Variants in FRMD4A observed in about 807,000 individuals in gnomAD.
FRMD4A encodes the protein FERM domain containing 4A, also known as FERM domain-containing protein 4A.
Under a neutral mutation model 129.1 loss-of-function variants are expected in FRMD4A, and 29 were observed. That is an observed-to-expected ratio of 0.22 (90% CI 0.17 to 0.31). The LOEUF (loss-of-function observed/expected upper bound fraction) is 0.31, where lower values mean the gene tolerates loss of function less well. FRMD4A is among the 10% of genes least tolerant of loss of function. The pLI is 1.00. For missense variants in FRMD4A, 1,272 were observed against 1,375.8 expected, an observed-to-expected ratio of 0.92 and a Z score of 1.19; for synonymous variants, 634 against 571.6, an observed-to-expected ratio of 1.11 and a Z score of -1.56.
intron 2 of FRMD4A, among the ~76,000 whole-genome samples, chr10:13,958,179 T>C (rs571852056): frequency 1.3e-5 from 2 of 152,174 alleles, no homozygotes; most frequent in Non-Finnish European, 2.9e-5. Flanking sequence ...CCTATCCTTT[T>C]GTGTTTCTTT....
intron 2 of FRMD4A, among the ~76,000 whole-genome samples, chr10:14,134,464 C>T (rs73597243): frequency 0.037 from 5,346 of 144,990 alleles, 303 homozygotes; most frequent in African/African-American, 0.13. Flanking sequence ...GGGAGATAAG[C>T]ACATGAATGG....
intron 4 of FRMD4A, among the ~76,000 whole-genome samples, chr10:13,802,126 A>C (rs1267603594): frequency 6.6e-6 from 1 of 152,204 alleles, no homozygotes; most frequent in Non-Finnish European, 1.5e-5. Flanking sequence ...GCAGTAGGTC[A>C]AACTGTCAGG....
At chr10:13,683,056 T>A (rs1165581594) in intron 15 of FRMD4A, among the ~76,000 whole-genome samples, 4 of 152,016 alleles carry the variant, frequency 2.6e-5, no homozygotes, top group African/African-American at 9.7e-5. Context: ...GCTCTTTGGA[T>A]CACCCAGGCT....
intron 3 of FRMD4A, among the ~76,000 whole-genome samples, chr10:13,850,541 A>T (rs1349481331): frequency 6.6e-6 from 1 of 152,154 alleles, no homozygotes; most frequent in Non-Finnish European, 1.5e-5. Context: ...GCTTTCCCAG[A>T]TAGGTTAGGA....
intron 2 of FRMD4A, among the ~76,000 whole-genome samples, chr10:13,964,412 ATTTAT>A (rs1200018616): frequency 5.2e-5 from 5 of 96,012 alleles, no homozygotes; most frequent in African/African-American, 2.0e-4. Flanking sequence ...TGTTGGTCTT[ATTTAT>A]TTTATTTTTC....
At chr10:14,078,110 C>T (rs1588923227) in intron 2 of FRMD4A, among the ~76,000 whole-genome samples, 1 of 152,330 alleles carries the variant, frequency 6.6e-6, no homozygotes, top group South Asian at 2.1e-4. Context: ...GACAGCATCT[C>T]ATTGCAAGGG....
chr10:13,768,651 T>C (rs1311482774), intron 6 of FRMD4A, among the ~76,000 whole-genome samples: 1 of 152,170 alleles, frequency 6.6e-6, no homozygotes, highest in Non-Finnish European at 1.5e-5. Flanking sequence ...CTAAAGATAA[T>C]AGTGGCATGC....
chr10:13,816,748 C>T (rs61654515), intron 3 of FRMD4A, among the ~76,000 whole-genome samples: 19,105 of 152,186 alleles, frequency 0.13, 1,292 homozygotes, highest in African/African-American at 0.18. Context: ...ATTACTGGTG[C>T]TGTAAACATT....
intron 2 of FRMD4A, among the ~76,000 whole-genome samples, chr10:13,982,142 T>C (rs545939272): frequency 1.3e-5 from 2 of 151,948 alleles, no homozygotes; most frequent in African/African-American, 4.8e-5. Flanking sequence ...CCTAAAAATG[T>C]CACTTGAAAT....
At chr10:14,028,008 T>G (rs1833061634) in intron 2 of FRMD4A, among the ~76,000 whole-genome samples, 1 of 152,104 alleles carries the variant, frequency 6.6e-6, no homozygotes, top group Non-Finnish European at 1.5e-5. Flanking sequence ...AACTTGAAGA[T>G]ACATTCATAC....
intron 2 of FRMD4A, among the ~76,000 whole-genome samples, chr10:13,953,688 G>A (rs531408569): frequency 1.4e-4 from 21 of 152,214 alleles, no homozygotes; most frequent in African/African-American, 5.1e-4. Context: ...CAAGAGCAAC[G>A]AATCTGGCAT....
chr10:14,278,780 A>T (rs578108636), intron 2 of FRMD4A, among the ~76,000 whole-genome samples: 1 of 152,200 alleles, frequency 6.6e-6, no homozygotes, highest in Non-Finnish European at 1.5e-5. Context: ...TAATGAAGCC[A>T]TCGATTTCTT....
intron 12 of FRMD4A, among the ~76,000 whole-genome samples, chr10:13,720,753 C>T (rs2134973969): frequency 6.6e-6 from 1 of 152,182 alleles, no homozygotes; most frequent in African/African-American, 2.4e-5. Context: ...AAACCAGGGG[C>T]AAAGCTGGGC....
chr10:14,070,646 T>C (rs1043361729), intron 2 of FRMD4A, among the ~76,000 whole-genome samples: 1 of 152,216 alleles, frequency 6.6e-6, no homozygotes, highest in African/African-American at 2.4e-5. Flanking sequence ...GTCTGTTATC[T>C]ATGTTGTAGT....
chr10:13,790,805 A>G (rs1347351158), intron 5 of FRMD4A, among the ~76,000 whole-genome samples: 1 of 152,070 alleles, frequency 6.6e-6, no homozygotes, highest in African/African-American at 2.4e-5. Flanking sequence ...GGTTGCTGTG[A>G]GCAGAGCAGA....
intron 2 of FRMD4A, among the ~76,000 whole-genome samples, chr10:13,923,230 G>A (rs1021885892): frequency 6.6e-6 from 1 of 152,160 alleles, no homozygotes; most frequent in Non-Finnish European, 1.5e-5. Context: ...TGAAGATGAT[G>A]TTTAAGGCCA....
At chr10:14,126,160 C>T (rs555317078) in intron 2 of FRMD4A, among the ~76,000 whole-genome samples, 1 of 145,742 alleles carries the variant, frequency 6.9e-6, no homozygotes, top group African/African-American at 2.5e-5. Context: ...CATCACAAAA[C>T]CTTGCCCACT....
At chr10:14,145,581 G>A (rs145674506) in intron 2 of FRMD4A, among the ~76,000 whole-genome samples, 110 of 152,212 alleles carry the variant, frequency 7.2e-4, no homozygotes, top group East Asian at 3.1e-3. Context: ...AGGTGATTTC[G>A]CAGATATTAT....
At chr10:13,904,992 C>CCAAAAAAA (rs2094865507) in intron 2 of FRMD4A, among the ~76,000 whole-genome samples, 1 of 109,436 alleles carries the variant, frequency 9.1e-6, no homozygotes, top group Non-Finnish European at 1.8e-5. Flanking sequence ...GACTCTATCT[C>CCAAAAAAA]AAAAAAAAAA....
Sources: gnomAD v4.1 joint callset for allele counts (sites outside exome capture counted in the v4.1 genomes callset) on GRCh38, gnomAD v4.1.1 for gene constraint, MANE v1.5 for transcripts, NCBI Gene and HGNC (gene_info 2026-07-23, HGNC 2026-07-21) for gene names.